Variants in SAMMSON observed in about 807,000 individuals in gnomAD.
SAMMSON encodes the protein survival associated mitochondrial melanoma specific oncogenic non-coding RNA, also known as long intergenic non-protein coding RNA 1212.
At chr3:70,069,413 A>C (rs1273033106) in intron 3 of SAMMSON, 38 of 152,164 alleles carry the variant, frequency 2.5e-4, no homozygotes, top group Admixed American at 2.5e-3. Flanking sequence ...ATAGTGCAGC[A>C]AAACAGAGAG....
intron 4 of SAMMSON, among the ~76,000 whole-genome samples, chr3:70,131,978 G>C (rs2067484764): frequency 1.3e-5 from 2 of 152,084 alleles, no homozygotes; most frequent in African/African-American, 4.8e-5. Context: ...AAAATTCCAA[G>C]CTTCCCAAAT....
At chr3:70,124,068 C>A (rs1411009253) in intron 4 of SAMMSON, among the ~76,000 whole-genome samples, 1 of 152,176 alleles carries the variant, frequency 6.6e-6, no homozygotes, top group Non-Finnish European at 1.5e-5. Context: ...CTGGGGAAGT[C>A]ACAATCTCTC....
chr3:70,425,400 ATTATTTATTTAT>A (rs140781474), intron 2 of SAMMSON, among the ~76,000 whole-genome samples: 8 of 150,684 alleles, frequency 5.3e-5, no homozygotes, highest in Admixed American at 1.3e-4. Context: ...CTATTTTTTT[ATTATTTATTTAT>A]TTATTTATTT....
At chr3:70,272,182 T>C (rs1448922291) in intron 6 of SAMMSON, 1 of 152,200 alleles carries the variant, frequency 6.6e-6, no homozygotes, top group African/African-American at 2.4e-5. Context: ...ATGTACCCAT[T>C]CCAAATGCAT....
At chr3:70,408,907 C>T (rs1309100906) in intron 2 of SAMMSON, among the ~76,000 whole-genome samples, 1 of 152,160 alleles carries the variant, frequency 6.6e-6, no homozygotes, top group Non-Finnish European at 1.5e-5. Context: ...TACAATTCCA[C>T]CTGGCTGGGG....
intron 4 of SAMMSON, among the ~76,000 whole-genome samples, chr3:70,220,680 C>T (rs1201635003): frequency 6.6e-6 from 1 of 152,120 alleles, no homozygotes; most frequent in Non-Finnish European, 1.5e-5. Context: ...AAACCTTCAA[C>T]AATTAATTTT....
intron 6 of SAMMSON, among the ~76,000 whole-genome samples, chr3:70,250,975 A>C (rs1303893127): frequency 6.6e-6 from 1 of 152,206 alleles, no homozygotes; most frequent in Non-Finnish European, 1.5e-5. Context: ...ATGACATCCC[A>C]ATGTGATTTG....
intron 9 of SAMMSON, among the ~76,000 whole-genome samples, chr3:70,368,303 A>G (rs559850567): frequency 6.6e-6 from 1 of 151,636 alleles, no homozygotes; most frequent in East Asian, 1.9e-4. Context: ...GATATTAAAA[A>G]CATTTAATGT....
At chr3:70,372,536 A>G (rs1410974644) in intron 9 of SAMMSON, among the ~76,000 whole-genome samples, 1 of 151,890 alleles carries the variant, frequency 6.6e-6, no homozygotes, top group Non-Finnish European at 1.5e-5. Context: ...CTGACCGCAG[A>G]TGATCCACCT....
intron 4 of SAMMSON, among the ~76,000 whole-genome samples, chr3:70,102,403 A>C (rs756586223): frequency 6.6e-6 from 1 of 152,212 alleles, no homozygotes; most frequent in Non-Finnish European, 1.5e-5. Flanking sequence ...AACATACTGA[A>C]GTATGATTCT....
chr3:70,417,901 G>A (rs938081589), intron 2 of SAMMSON, among the ~76,000 whole-genome samples: 2 of 152,140 alleles, frequency 1.3e-5, no homozygotes, highest in African/African-American at 2.4e-5. Flanking sequence ...GTGGTGAACA[G>A]CTCCCTCATC....
At chr3:70,101,805 G>T (rs1343633360) in intron 4 of SAMMSON, among the ~76,000 whole-genome samples, 1 of 152,102 alleles carries the variant, frequency 6.6e-6, no homozygotes, top group Non-Finnish European at 1.5e-5. Context: ...CTTAAATAAA[G>T]CTGAAAAATC....
intron 4 of SAMMSON, among the ~76,000 whole-genome samples, chr3:70,174,892 A>G (rs1700997941): frequency 6.6e-6 from 1 of 152,068 alleles, no homozygotes; most frequent in Non-Finnish European, 1.5e-5. Context: ...ACATATTTTC[A>G]TGTACAGTTT....
At position 70,216,183 on chromosome 3, in the gene SAMMSON, A is replaced by G. The variant is rs1438183420; in HGVS notation, n.508-32924A>G. On this transcript the variant is annotated intron_variant and non_coding_transcript_variant, in intron 4 of 9. Coordinates refer to ENST00000642114, the Ensembl canonical transcript of SAMMSON. ...ATTTATATTTATGCTTTATATTTGC[A>G]TATTAGGATATATATTCTAATTCTA... Among the ~76,000 whole-genome samples the G allele has an allele frequency of 2.6e-5, 4 of 150,966 alleles. No individual in the cohort carries two copies. The South Asian group carries it at 8.3e-4, about 31-fold the overall frequency.
intron 4 of SAMMSON, among the ~76,000 whole-genome samples, chr3:70,213,746 G>T (rs184282615): frequency 1.3e-5 from 2 of 152,196 alleles, no homozygotes; most frequent in Admixed American, 1.3e-4. Flanking sequence ...AGCTTGGTAG[G>T]TAATAATACA....
chr3:70,053,224 G>A lies in SAMMSON; in HGVS notation n.418-18252G>A, dbSNP rs117249663. ...AAGTCTAGATCAAAGTCATTGTAGT[G>A]GTTAAATAGCAGAAGTTGCACTAGA... On this transcript the variant is annotated intron_variant and non_coding_transcript_variant, in intron 3 of 9. Transcript: ENST00000642114. Among the ~76,000 whole-genome samples the A allele has an allele frequency of 3.5e-4, 53 of 152,202 alleles. 2 individuals are homozygous for A. The East Asian group carries it at 0.01, about 30-fold the overall frequency.
rs552093227 is a variant in SAMMSON, at chr3:70,319,120, G to T, written n.739+27877G>T. 2.0e-5 allele frequency among the ~76,000 whole-genome samples: 3 copies of T among 152,114 alleles called. No individual in the cohort carries two copies. The South Asian group carries it at 6.2e-4, about 32-fold the overall frequency. ...GAGCCCTTAGCCAAGACTATCTGTG[G>T]TGAACCCTGTCTCTTCTCTACATTA... On this transcript the variant is annotated intron_variant and non_coding_transcript_variant, in intron 7 of 9. Transcript: ENST00000642114.
At chr3:70,079,895 G>C (rs1206903681) in intron 4 of SAMMSON, among the ~76,000 whole-genome samples, 1 of 152,144 alleles carries the variant, frequency 6.6e-6, no homozygotes, top group Non-Finnish European at 1.5e-5. Flanking sequence ...GCAGCTAACA[G>C]CTTATAGCTG....
intron 4 of SAMMSON, among the ~76,000 whole-genome samples, chr3:70,130,375 C>G (rs1188871240): frequency 6.6e-6 from 1 of 152,136 alleles, no homozygotes; most frequent in Non-Finnish European, 1.5e-5. Context: ...TTTGCATGTG[C>G]TAGGGTTGTG....
Sources: allele counts gnomAD v4.1 joint callset (sites outside exome capture counted in the v4.1 genomes callset), GRCh38; gene constraint gnomAD v4.1.1; transcripts MANE v1.5; gene names NCBI Gene and HGNC (gene_info 2026-07-23, HGNC 2026-07-21).